PKD1L1: variants seen among roughly 807,000 people sequenced by gnomAD.
PKD1L1 encodes polycystin 1 like 1, transient receptor potential channel interacting.
A neutral mutation model predicts 323.4 loss-of-function variants in PKD1L1; 236 were observed. The observed-to-expected ratio is 0.73, with a 90% CI of 0.66 to 0.81. The LOEUF is 0.81. Among genes scored for constraint, PKD1L1 ranks in the 40% least tolerant of loss-of-function variants. The pLI, the probability that PKD1L1 is intolerant of heterozygous loss-of-function variation, is 0.00. For missense variants in PKD1L1, 3,320 were observed against 3,508.0 expected, an observed-to-expected ratio of 0.95 and a Z score of 1.35; for synonymous variants, 1,344 against 1,335.0, an observed-to-expected ratio of 1.01 and a Z score of -0.15.
chr7:47,850,572 C>T (rs1023189226), intron 31 of PKD1L1, among the ~76,000 whole-genome samples: 2 of 134,188 alleles, frequency 1.5e-5, no homozygotes, highest in Non-Finnish European at 3.0e-5. Flanking sequence ...GCAGAGGTTG[C>T]AGTGAGCCGA....
At chr7:47,836,406 GT>G (rs1006686192) in intron 37 of PKD1L1, among the ~76,000 whole-genome samples, 1 of 152,104 alleles carries the variant, frequency 6.6e-6, no homozygotes, top group Non-Finnish European at 1.5e-5. Context: ...CTGCTGTGTT[GT>G]TTTTTCCTCA....
intron 7 of PKD1L1, among the ~76,000 whole-genome samples, chr7:47,922,559 C>T (rs1440254949): frequency 2.0e-5 from 3 of 151,660 alleles, no homozygotes; most frequent in South Asian, 2.1e-4. Flanking sequence ...TCTGCCAGGC[C>T]GCGACCCCGT....
chr7:47,830,321 A>G (rs1014673283), intron 42 of PKD1L1, among the ~76,000 whole-genome samples, 197 bp from the exon 43 acceptor site: 1 of 152,218 alleles, frequency 6.6e-6, no homozygotes, highest in Non-Finnish European at 1.5e-5. Flanking sequence ...TGCCAAGAGG[A>G]CATCGACCTC....
At chr7:47,830,432 A>G (rs997464100) in intron 42 of PKD1L1, among the ~76,000 whole-genome samples, 7 of 152,220 alleles carry the variant, frequency 4.6e-5, no homozygotes, top group African/African-American at 1.4e-4. Flanking sequence ...GGGTATAATA[A>G]TAATAATAGC....
chr7:47,912,844 G>T (rs1472960245), intron 8 of PKD1L1, among the ~76,000 whole-genome samples: 31 of 133,494 alleles, frequency 2.3e-4, no homozygotes, highest in African/African-American at 8.3e-4. Context: ...AAAAAGAAAA[G>T]AAATAATTCT....
At position 47,798,368 on chromosome 7, in the gene PKD1L1, T is replaced by C. The variant is rs559973847; in HGVS notation, c.8194-2218A>G. Among the ~76,000 whole-genome samples the C allele has an allele frequency of 3.3e-5, 5 of 152,344 alleles. No homozygotes were observed. The South Asian group carries it at 1.0e-3, about 32-fold the overall frequency. On this transcript the variant is annotated intron_variant, in intron 54 of 56. Transcript: ENST00000289672. Reference sequence around the variant, plus strand: ...GCTGGAAAAATTGGATATTCATTTATAAAAAACAGGAACTCTGTTCCATAC... The same window carrying C: ...GCTGGAAAAATTGGATATTCATTTACAAAAAACAGGAACTCTGTTCCATAC...
At chr7:47,842,936 A>G (rs764682424) in intron 34 of PKD1L1, 26 bp downstream of exon 34, 15 of 1,596,338 alleles carry the variant, frequency 9.4e-6, no homozygotes, top group Non-Finnish European at 1.3e-5. Flanking sequence ...ACACCATCAA[A>G]GAGTACCCCC....
At chr7:47,882,183 C>T in intron 19 of PKD1L1, 98 bp from the exon 20 acceptor site, 1 of 1,235,902 alleles carries the variant, frequency 8.1e-7, no homozygotes, top group Non-Finnish European at 1.2e-6. Flanking sequence ...ACTATTTGTA[C>T]TATTGCTGGA....
chr7:47,800,163 C>T (rs1015773054), intron 54 of PKD1L1, among the ~76,000 whole-genome samples: 1 of 152,194 alleles, frequency 6.6e-6, no homozygotes, highest in Non-Finnish European at 1.5e-5. Flanking sequence ...CCATGTATGA[C>T]ATGACTAGAT....
rs775561549 is a variant in PKD1L1, at chr7:47,882,075, G to C, written c.3276C>G (p.Thr1092=). 4.4e-5 allele frequency: 71 copies of C among 1,613,046 alleles called. 2 individuals carry two copies. The highest frequency in any genetic ancestry group is 1.7e-5 in the Admixed American group (1 of 59,590). The change falls in exon 20 of 57, where the codon ACC becomes ACG. Residue 1092 remains threonine (T), a synonymous_variant. Coordinates refer to ENST00000289672, the MANE Select transcript of PKD1L1 (RefSeq NM_138295.5). ...AGCTAGGTCCTGATCCTGGAAAGCT[G>C]GTGTCCTTAGCTAGGAAGATAAACC... is the stretch of plus-strand genomic sequence containing the variant. ...PSGGRQPAKD[T]SFPGSGPSLS...
chr7:47,890,485 C>T lies in PKD1L1; in HGVS notation c.2675+57G>A. On this transcript the variant is annotated intron_variant, in intron 16 of 56. Transcript: ENST00000289672. ...AGCAGATTCCTTTCACGGATGCTAG[C>T]ACCAGGTGGGAACAAACACCGGTGA... The T allele has an allele frequency of 8.4e-6, 13 of 1,549,060 alleles. No homozygotes were observed. The South Asian group carries it at 1.5e-4, about 17-fold the overall frequency.
intron 8 of PKD1L1, 89 bp downstream of exon 8, chr7:47,915,343 T>C (rs796801841): frequency 4.6e-5 from 33 of 724,668 alleles, no homozygotes; most frequent in South Asian, 3.0e-4. Flanking sequence ...CACTAATCAA[T>C]GTCATCTGTG....
At chr7:47,794,181 A>C (rs1212174911) in intron 55 of PKD1L1, among the ~76,000 whole-genome samples, 1 of 152,220 alleles carries the variant, frequency 6.6e-6, no homozygotes, top group Non-Finnish European at 1.5e-5. Flanking sequence ...ATAAGTAGCA[A>C]GCAGCCTAAT....
intron 28 of PKD1L1, among the ~76,000 whole-genome samples, 166 bp from the exon 29 acceptor site, chr7:47,855,431 T>C (rs911012152): frequency 1.3e-5 from 2 of 152,248 alleles, no homozygotes; most frequent in African/African-American, 4.8e-5. Flanking sequence ...CTAGTCAGGA[T>C]GGCAGGATTG....
intron 45 of PKD1L1, among the ~76,000 whole-genome samples, chr7:47,826,634 A>G (rs1285544970): frequency 6.6e-6 from 1 of 152,172 alleles, no homozygotes; most frequent in Non-Finnish European, 1.5e-5. Context: ...TAGGAGACCG[A>G]ATTCATGTTC....
intron 15 of PKD1L1, among the ~76,000 whole-genome samples, chr7:47,892,900 A>T (rs888241684): frequency 6.6e-6 from 1 of 151,886 alleles, no homozygotes; most frequent in Non-Finnish European, 1.5e-5. Flanking sequence ...AAAAAAAAGA[A>T]AGGAAGAAAA....
intron 54 of PKD1L1, among the ~76,000 whole-genome samples, chr7:47,799,681 G>T (rs1286992815): frequency 6.6e-6 from 1 of 152,168 alleles, no homozygotes; most frequent in Non-Finnish European, 1.5e-5. Context: ...CCCTGTCTTA[G>T]AACTTAACGC....
chr7:47,781,303 T>C (rs967792870), intron 56 of PKD1L1, among the ~76,000 whole-genome samples: 34 of 152,296 alleles, frequency 2.2e-4, no homozygotes, highest in African/African-American at 7.5e-4. Context: ...TAGTTCTTTG[T>C]TGAACATGCG....
Position 47,948,428 on chromosome 7 carries a change from C to A in PKD1L1, c.13G>T (p.Ala5Ser). 6.2e-7 allele frequency: 1 copy of A among 1,614,090 alleles called. No homozygotes were observed. The highest frequency in any genetic ancestry group is 8.5e-7 in the Non-Finnish European group (1 of 1,180,032). The change falls in exon 1 of 57, where the codon GCA (alanine) becomes TCA (serine). Residue 5 changes from alanine (A) to serine (S), a missense_variant. Physicochemically the swap from Ala to Ser is moderately conservative, Grantham distance 99 (BLOSUM62 1). Coordinates refer to ENST00000289672, the MANE Select transcript of PKD1L1 (RefSeq NM_138295.5). ...TGGTCATCAGAAATGTTCTGGGCTG[C>A]CTCCTCGGCCATGTCCTGTGCAAGC... is the stretch of plus-strand genomic sequence containing the variant. MAEE[A>S]AQNISDDQER...
Sources: allele counts gnomAD v4.1 joint callset (sites outside exome capture counted in the v4.1 genomes callset), GRCh38; gene constraint gnomAD v4.1.1; transcripts MANE v1.5; gene names NCBI Gene and HGNC (gene_info 2026-07-23, HGNC 2026-07-21).